The following UBE2E3 variants were observed in gnomAD, a reference collection of about 807,000 sequenced individuals.
UBE2E3 encodes ubiquitin-conjugating enzyme E2 E3.
A neutral mutation model predicts 23.6 loss-of-function variants in UBE2E3; 5 were observed. That is an observed-to-expected ratio of 0.21 (90% confidence interval 0.11 to 0.44). The LOEUF (loss-of-function observed/expected upper bound fraction) is 0.44, where lower values mean the gene tolerates loss of function less well. UBE2E3 is among the 20% of genes least tolerant of loss of function. The pLI is 0.99. For synonymous variants in UBE2E3, 78 were observed against 87.5 expected (o/e 0.89, Z 0.60); for missense variants, 81 against 249.8 (o/e 0.32, Z 4.55).
intron 3 of UBE2E3, among the ~76,000 whole-genome samples, chr2:181,034,222 A>G (rs1286241096): frequency 2.0e-5 from 3 of 152,214 alleles, no homozygotes; most frequent in Admixed American, 6.5e-5. Flanking sequence ...AAAGACACAT[A>G]CACATGTATG....
chr2:180,984,028 T>G lies in UBE2E3; in HGVS notation c.195-15T>G. ...TATATCAAATCCTTTTTGTCTCTTC[T>G]CATTTCACTAACAGAATTCAGAAGG... On this transcript the variant is annotated splice_polypyrimidine_tract_variant and intron_variant, in intron 2 of 5. Transcript: ENST00000410062. 1 of 1,608,192 alleles carries G rather than the reference T, an allele frequency of 6.2e-7. No homozygotes were observed. Among genetic ancestry groups the G allele is most frequent in the Non-Finnish European group, 8.5e-7 (1 of 1,175,654 alleles).
intron 3 of UBE2E3, among the ~76,000 whole-genome samples, chr2:180,993,647 GATGGTT>G: frequency 6.6e-6 from 1 of 152,180 alleles, no homozygotes; most frequent in Non-Finnish European, 1.5e-5. Flanking sequence ...CCTTTCTGAG[GATGGTT>G]ATTTGTAGTT....
intron 3 of UBE2E3, chr2:180,989,823 A>G: frequency 1.3e-6 from 2 of 1,498,144 alleles, no homozygotes; most frequent in Non-Finnish European, 1.8e-6. Context: ...ACCAATTAGT[A>G]CTTTATGCTC....
chr2:181,014,919 A>G (rs1266974288), intron 3 of UBE2E3, among the ~76,000 whole-genome samples: 3 of 152,096 alleles, frequency 2.0e-5, no homozygotes, highest in African/African-American at 7.2e-5. Flanking sequence ...TTCCCACTGT[A>G]TTATTGAAGT....
intron 3 of UBE2E3, among the ~76,000 whole-genome samples, chr2:181,047,236 A>G (rs1686696998): frequency 6.6e-6 from 1 of 152,004 alleles, no homozygotes; most frequent in Admixed American, 6.6e-5. Flanking sequence ...TCTGTTAAAC[A>G]CCTGTTAGAG....
intron 3 of UBE2E3, among the ~76,000 whole-genome samples, chr2:180,990,821 T>C (rs751584708): frequency 6.6e-6 from 1 of 152,212 alleles, no homozygotes; most frequent in Non-Finnish European, 1.5e-5. Flanking sequence ...AAATGTGTGC[T>C]CTTCATTTGG....
intron 3 of UBE2E3, among the ~76,000 whole-genome samples, chr2:181,036,127 G>A (rs1456934943): frequency 6.6e-6 from 1 of 152,170 alleles, no homozygotes; most frequent in African/African-American, 2.4e-5. Flanking sequence ...TGCAAAGAAA[G>A]AACGAAGTTG....
intron 3 of UBE2E3, among the ~76,000 whole-genome samples, chr2:180,988,975 A>G (rs1306115004): frequency 5.9e-5 from 9 of 152,132 alleles, no homozygotes; most frequent in Non-Finnish European, 1.2e-4. Flanking sequence ...ACTGTAAAAC[A>G]GATAAATACA....
At chr2:181,029,889 T>G (rs1388627667) in intron 3 of UBE2E3, among the ~76,000 whole-genome samples, 2 of 146,566 alleles carry the variant, frequency 1.4e-5, no homozygotes, top group Non-Finnish European at 3.0e-5. Context: ...CAGGTGGGGG[T>G]GCAGTGGTGC....
At chr2:181,049,406 G>GT (rs1686762180) in intron 3 of UBE2E3, among the ~76,000 whole-genome samples, 1 of 151,948 alleles carries the variant, frequency 6.6e-6, no homozygotes, top group Non-Finnish European at 1.5e-5. Flanking sequence ...GTTTGTGTGT[G>GT]TTTTTTAAAT....
At chr2:181,020,399 C>T (rs1020600652) in intron 3 of UBE2E3, among the ~76,000 whole-genome samples, 6 of 152,166 alleles carry the variant, frequency 3.9e-5, no homozygotes, top group African/African-American at 1.4e-4. Flanking sequence ...ACCTCATCTT[C>T]ACTAATTACA....
intron 3 of UBE2E3, among the ~76,000 whole-genome samples, chr2:181,010,360 A>G (rs942389661): frequency 6.6e-6 from 1 of 152,010 alleles, no homozygotes; most frequent in Non-Finnish European, 1.5e-5. Flanking sequence ...TTTGGGAAGG[A>G]TTATTTTTTT....
Position 181,062,913 on chromosome 2 carries a change from A to G in UBE2E3, c.*25A>G, listed in dbSNP as rs377319832. 2.8e-6 allele frequency: 4 copies of G among 1,416,850 alleles called. No individual in the cohort carries two copies. Among genetic ancestry groups the G allele is most frequent in the Non-Finnish European group, 4.0e-6 (4 of 1,010,476 alleles). The allele number at this position is 1,416,850 out of a possible 1,614,324, so 87.8% of individuals were successfully genotyped here. Reference sequence around the variant, plus strand: ...ATTCACATAATTTGTATGCAGTGTGAAGGAGCAGAAGGCATCTTCTCACTG... The same window carrying G: ...ATTCACATAATTTGTATGCAGTGTGGAGGAGCAGAAGGCATCTTCTCACTG... On this transcript the variant is annotated 3_prime_UTR_variant, in exon 6 of 6. Transcript: ENST00000410062.
intron 3 of UBE2E3, 141 bp from the exon 4 acceptor site, chr2:181,057,552 A>G (rs771178701): frequency 5.1e-5 from 33 of 645,620 alleles, no homozygotes; most frequent in Non-Finnish European, 8.1e-5. Context: ...ATGCAAACAC[A>G]TTGGGGCTTA....
intron 3 of UBE2E3, among the ~76,000 whole-genome samples, chr2:181,038,116 C>G (rs1686357310): frequency 6.6e-6 from 1 of 152,212 alleles, no homozygotes; most frequent in Non-Finnish European, 1.5e-5. Flanking sequence ...TCACCCCTGA[C>G]TCACCCAGAC....
chr2:180,981,994 C>G (rs753629244), intron 1 of UBE2E3, 24 bp from the exon 2 acceptor site: 43 of 1,507,230 alleles, frequency 2.9e-5, no homozygotes, highest in Non-Finnish European at 3.8e-5. Flanking sequence ...TTTTCTCCTC[C>G]TCCTCCCCTG....
intron 3 of UBE2E3, among the ~76,000 whole-genome samples, chr2:181,023,008 C>G (rs1201093672): frequency 2.0e-5 from 3 of 152,188 alleles, no homozygotes; most frequent in Non-Finnish European, 2.9e-5. Flanking sequence ...ACAGTGGTTC[C>G]ACTTAATGTT....
chr2:180,992,380 T>G lies in UBE2E3; in HGVS notation c.245+8287T>G, dbSNP rs1684687313. Among the ~76,000 whole-genome samples, 3 of 152,340 alleles carry G rather than the reference T, an allele frequency of 2.0e-5. No homozygotes were observed. In the South Asian group the frequency reaches 6.2e-4, roughly 32 times the overall value. ...TTGGATGTATTTTGCCTTGCATTAT[T>G]TAAGTGCAATTAGACTATAAAAGGA... On this transcript the variant is annotated intron_variant, in intron 3 of 5. Transcript: ENST00000410062.
intron 3 of UBE2E3, among the ~76,000 whole-genome samples, chr2:181,050,588 A>G (rs1686814191): frequency 6.6e-6 from 1 of 151,904 alleles, no homozygotes. Context: ...GAATCTGTTT[A>G]CATTTTATTT....
Sources: allele counts gnomAD v4.1 joint callset (sites outside exome capture counted in the v4.1 genomes callset), GRCh38; gene constraint gnomAD v4.1.1; transcripts MANE v1.5; gene names NCBI Gene and HGNC (gene_info 2026-07-23, HGNC 2026-07-21).